Variants in AGL observed in about 807,000 individuals in gnomAD.
AGL encodes the protein glycogen debranching enzyme.
Under a neutral mutation model 199.3 loss-of-function variants are expected in AGL, and 128 were observed. The ratio of observed to expected loss-of-function variants is 0.64; its 90% CI spans 0.56 to 0.74. The LOEUF is 0.74. Among genes scored for constraint, AGL ranks in the 30% least tolerant of loss-of-function variants. AGL has a pLI of 0.00. For missense variants in AGL, 1,809 were observed against 1,820.8 expected (o/e 0.99, Z 0.12); for synonymous variants, 584 against 594.7 (o/e 0.98, Z 0.26).
At chr1:99,894,186 CAA>C (rs397966572) in intron 24 of AGL, among the ~76,000 whole-genome samples, 17 of 106,644 alleles carry the variant, frequency 1.6e-4, no homozygotes, top group Admixed American at 2.9e-4. Flanking sequence ...GACCCTGTCT[CAA>C]AAAAAAAAAA....
chr1:99,866,322 C>G (rs1214872252), intron 5 of AGL, among the ~76,000 whole-genome samples: 1 of 152,132 alleles, frequency 6.6e-6, no homozygotes, highest in Non-Finnish European at 1.5e-5. Context: ...ATTAGATAGG[C>G]ATTCCTGGAC....
chr1:99,911,350 A>T (rs529414875), intron 28 of AGL, among the ~76,000 whole-genome samples: 2 of 152,334 alleles, frequency 1.3e-5, no homozygotes, highest in South Asian at 4.1e-4. Flanking sequence ...TTTTAATATT[A>T]CTATCACCCA....
At chr1:99,868,238 A>G (rs1191310588) in intron 5 of AGL, among the ~76,000 whole-genome samples, 4 of 152,076 alleles carry the variant, frequency 2.6e-5, no homozygotes, top group Non-Finnish European at 5.9e-5. Flanking sequence ...TTCACTACCT[A>G]TTGTTTAGAA....
chr1:99,860,079 A>G (rs986707116), intron 2 of AGL, among the ~76,000 whole-genome samples: 57 of 152,278 alleles, frequency 3.7e-4, no homozygotes, highest in African/African-American at 1.3e-3. Context: ...CATTCTTAAT[A>G]TATTAATGCC....
rs1178095068 is a variant in AGL at position 99,876,611 on chromosome 1, A to G, written c.1423+14A>G. 6.2e-7 allele frequency: 1 copy of G among 1,613,766 alleles called. No homozygotes were observed. The highest frequency in any genetic ancestry group is 1.7e-5 in the Admixed American group (1 of 60,014). ...TTGCTGAACCGGGTATGTAATTTTT[A>G]ACTTCTCTGTGGATGGGGAAAGAAT... On this transcript the variant is annotated intron_variant, in intron 11 of 33. Transcript: ENST00000361915.
chr1:99,892,516 G>C lies in AGL; in HGVS notation c.3168G>C (p.Leu1056=). The C allele has an allele frequency of 6.2e-7, 1 of 1,613,506 alleles. No homozygotes were observed. The stretch of plus-strand genomic sequence containing the variant: ...GTGGAGTAGGAAAATTCCCTTCCCT[G>C]CCAATTCTTTCACCTGCCCTAATGG... ...QLCGVGKFPS[L]PILSPALMDV... is the part of the protein sequence containing the mutation. Residue 1056 remains leucine (L), a synonymous_variant, in exon 24 of 34, where the codon CTG becomes CTC. Transcript: ENST00000361915.
chr1:99,893,905 A>G (rs1653101012), intron 24 of AGL, among the ~76,000 whole-genome samples: 1 of 152,176 alleles, frequency 6.6e-6, no homozygotes, highest in Non-Finnish European at 1.5e-5. Context: ...AACAGCAATT[A>G]AAAACAATGG....
intron 20 of AGL, among the ~76,000 whole-genome samples, chr1:99,885,672 G>T (rs1652400035): frequency 6.6e-6 from 1 of 152,132 alleles, no homozygotes; most frequent in Admixed American, 6.6e-5. Flanking sequence ...GTCCCTGCGA[G>T]GGATTTAGAT....
chr1:99,916,846 A>G (rs2100877411), intron 33 of AGL, 115 bp downstream of exon 33: 1 of 1,112,778 alleles, frequency 9.0e-7, no homozygotes, highest in East Asian at 2.4e-5. Flanking sequence ...ATCCCAATGA[A>G]AAGTGAAGCC....
intron 21 of AGL, 94 bp downstream of exon 21, chr1:99,888,202 C>T: frequency 6.6e-7 from 1 of 1,525,398 alleles, no homozygotes; most frequent in South Asian, 1.1e-5. Flanking sequence ...CAGAGTATGC[C>T]TACTTGGGTT....
chr1:99,881,595 A>T lies in AGL; in HGVS notation c.2212A>T (p.Ser738Cys), dbSNP rs1422571583. Residue 738 changes from serine to cysteine, a missense_variant, in exon 17 of 34, where the codon AGC becomes TGC. By Grantham distance (112) the Ser-to-Cys change is moderately radical. Transcript: ENST00000361915. ...AGTGGCAGTAACAAGACACTCACCT[A>T]GCATCCATCAGTCTGTTGTGGCTGT... is the stretch of plus-strand genomic sequence containing the variant. ...DIVAVTRHSP[S>C]IHQSVVAVSR... 1.2e-6 allele frequency: 2 copies of T among 1,613,976 alleles called. No individual in the cohort carries two copies. Among genetic ancestry groups the T allele is most frequent in the Non-Finnish European group, 1.7e-6 (2 of 1,179,994 alleles).
chr1:99,857,847 A>AGGGAGGCCGTGGGGAGGGGGGGGGGGG (rs1649685231), intron 2 of AGL, among the ~76,000 whole-genome samples: 1 of 8,224 alleles, frequency 1.2e-4, no homozygotes, highest in African/African-American at 4.8e-4. Context: ...GGGGAGGGGG[A>AGGGAGGCCGTGGGGAGGGGGGGGGGGG]GGGGGGAAGA....
intron 17 of AGL, among the ~76,000 whole-genome samples, chr1:99,883,803 A>T (rs2100767075): frequency 1.3e-5 from 2 of 152,228 alleles, no homozygotes; most frequent in Non-Finnish European, 2.9e-5. Context: ...TATCCGAAAT[A>T]TTCCAAGTTT....
chr1:99,875,862 T>A (rs1651481258), intron 10 of AGL, among the ~76,000 whole-genome samples: 1 of 152,150 alleles, frequency 6.6e-6, no homozygotes, highest in Non-Finnish European at 1.5e-5. Flanking sequence ...GTAACATCAA[T>A]GCCTCAATTA....
In AGL at chr1:99,916,663, G is replaced by T; in HGVS notation, c.4413G>T (p.Pro1471=). 1 of 1,612,778 alleles carries T rather than the reference G, an allele frequency of 6.2e-7. No homozygotes were observed. Among genetic ancestry groups the T allele is most frequent in the Non-Finnish European group, 8.5e-7 (1 of 1,179,232 alleles). Residue 1471 remains proline (P), a synonymous_variant, in exon 33 of 34, where the codon CCG becomes CCT. Coordinates refer to ENST00000361915, the MANE Select transcript of AGL (RefSeq NM_000642.3). Reference sequence around the variant, plus strand: ...TATATTTTTCCAGATTGATGGGCCCGGAGACTACTGCAAAGACTATAGTTT... The same window carrying T: ...TATATTTTTCCAGATTGATGGGCCCTGAGACTACTGCAAAGACTATAGTTT... The part of the protein sequence containing the change: ...AKLYFSRLMG[P]ETTAKTIVLV...
chr1:99,855,116 G>T (rs2101063451), intron 2 of AGL, among the ~76,000 whole-genome samples: 1 of 152,204 alleles, frequency 6.6e-6, no homozygotes, highest in Non-Finnish European at 1.5e-5. Context: ...CAGGAGAATT[G>T]CTTGAATCCA....
intron 27 of AGL, among the ~76,000 whole-genome samples, chr1:99,905,372 TTTGTTGTTGTTGTTGTTGTTG>T (rs150259594): frequency 6.6e-6 from 1 of 150,896 alleles, no homozygotes; most frequent in Non-Finnish European, 1.5e-5. Flanking sequence ...ATTTTTTGTA[TTTGTTGTTGTTGTTGTTGTTG>T]TTGTTGTTGT....
intron 31 of AGL, 112 bp downstream of exon 31, chr1:99,915,598 CA>C: frequency 1.2e-6 from 1 of 818,308 alleles, no homozygotes. Flanking sequence ...GCCATCTCTA[CA>C]AAAATAAAAG....
At position 99,879,874 on chromosome 1, in the gene AGL, C is replaced by A. The variant is rs372255596; in HGVS notation, c.1612-49C>A. On this transcript the variant is annotated intron_variant, in intron 12 of 33. Transcript: ENST00000361915. ...CTTTCCTTCCTCCTATCTTGCTTTTCTCTTTCTGTTACATTTATTTGTTAC... is the reference window on the plus strand; with the variant it reads ...CTTTCCTTCCTCCTATCTTGCTTTTATCTTTCTGTTACATTTATTTGTTAC... The A allele has an allele frequency of 7.9e-6, 12 of 1,513,364 alleles. No individual in the cohort carries two copies. In the African/African-American group the frequency reaches 1.4e-4, roughly 17 times the overall value. 93.7% of individuals were successfully genotyped at this position (1,513,364 alleles called of 1,614,324 possible). A position where few individuals can be genotyped will look rare whatever the true frequency, so the allele number is the denominator to read the frequency against.
Sources: allele counts gnomAD v4.1 joint callset (sites outside exome capture counted in the v4.1 genomes callset), GRCh38; gene constraint gnomAD v4.1.1; transcripts MANE v1.5; gene names NCBI Gene and HGNC (gene_info 2026-07-23, HGNC 2026-07-21).